PTPN12: variants seen among roughly 807,000 people sequenced by gnomAD.
PTPN12 encodes the protein protein tyrosine phosphatase non-receptor type 12, also known as tyrosine-protein phosphatase non-receptor type 12.
PTPN12 carries 29 observed loss-of-function variants against 97.6 expected under a neutral mutation model. The ratio of observed to expected loss-of-function variants is 0.30; its 90% CI spans 0.22 to 0.41. PTPN12 has a LOEUF of 0.41. Among genes scored for constraint, PTPN12 ranks in the 10% least tolerant of loss-of-function variants. The probability of loss-of-function intolerance (pLI) is 1.00; values close to 1 mark genes in which losing one functional copy is unlikely to be tolerated. For missense variants in PTPN12, 819 were observed against 926.0 expected (o/e 0.88, Z 1.50); for synonymous variants, 327 against 300.4 (o/e 1.09, Z -0.91).
Position 77,626,807 on chromosome 7 carries a change from A to T in PTPN12, c.1128A>T (p.Thr376=), listed in dbSNP as rs1789203196. Residue 376 remains threonine, a synonymous_variant, in exon 13 of 18, where the codon ACA becomes ACT. Coordinates refer to ENST00000248594, the MANE Select transcript of PTPN12 (RefSeq NM_002835.4). ...CTTCTCCCCCTTCAGCTTTTCCAAC[A>T]GTCACTACTGTGTGGCAGGACAATG... The part of the protein sequence containing the change: ...LTPSPPSAFP[T]VTTVWQDNDR... The T allele has an allele frequency of 1.9e-6, 3 of 1,614,134 alleles. No individual in the cohort carries two copies. In the East Asian group the frequency reaches 6.7e-5, roughly 36 times the overall value.
intron 13 of PTPN12, 82 bp downstream of exon 13, chr7:77,627,757 T>C: frequency 7.5e-7 from 1 of 1,337,670 alleles, no homozygotes; most frequent in Non-Finnish European, 9.9e-7. Context: ...ATTGATTTAT[T>C]ATGTTTTATT....
Position 77,585,926 on chromosome 7 carries a change from A to G in PTPN12, c.420+345A>G, listed in dbSNP as rs568594833. On this transcript the variant is annotated intron_variant, in intron 5 of 17. Transcript: ENST00000248594. ...AGTCTGTTAAATGTTCAGTAGCATT[A>G]TACCTATAAAACACTTCATGCCTTA... Among the ~76,000 whole-genome samples the G allele has an allele frequency of 5.3e-5, 8 of 152,254 alleles. No individual in the cohort carries two copies. The East Asian group carries it at 9.7e-4, about 18-fold the overall frequency.
chr7:77,564,746 G>GTTGTTTTTT (rs1808164529), intron 1 of PTPN12, among the ~76,000 whole-genome samples: 1 of 45,370 alleles, frequency 2.2e-5, no homozygotes, highest in East Asian at 8.1e-4. Flanking sequence ...TTGTTGTCGT[G>GTTGTTTTTT]TTTTTTTTTT....
At chr7:77,629,251 G>C (rs1363231521) in intron 13 of PTPN12, among the ~76,000 whole-genome samples, 2 of 152,180 alleles carry the variant, frequency 1.3e-5, no homozygotes, top group African/African-American at 4.8e-5. Context: ...GCCCAGCCAG[G>C]TGACAGTCTT....
chr7:77,625,472 G>GCTCGCTCGCT, intron 12 of PTPN12, among the ~76,000 whole-genome samples: 4 of 33,522 alleles, frequency 1.2e-4, no homozygotes, highest in Non-Finnish European at 2.0e-4. Flanking sequence ...CAGGCTGCTC[G>GCTCGCTCGCT]CTCTCTCTCT....
At chr7:77,568,973 T>C (rs1208187084) in intron 1 of PTPN12, among the ~76,000 whole-genome samples, 1 of 152,182 alleles carries the variant, frequency 6.6e-6, no homozygotes, top group Admixed American at 6.5e-5. Flanking sequence ...TAAGTAACCA[T>C]GAGGATCTTT....
chr7:77,541,576 A>G (rs1379155444), intron 1 of PTPN12, among the ~76,000 whole-genome samples: 1 of 152,214 alleles, frequency 6.6e-6, no homozygotes. Context: ...CATTTAATAC[A>G]TGTTCATAAA....
chr7:77,622,285 G>A (rs572082199), intron 12 of PTPN12, among the ~76,000 whole-genome samples: 2 of 152,168 alleles, frequency 1.3e-5, no homozygotes, highest in South Asian at 4.1e-4. Flanking sequence ...TCTTAAAAGT[G>A]AACAGAACTA....
intron 6 of PTPN12, among the ~76,000 whole-genome samples, chr7:77,595,893 C>G (rs1788007480): frequency 6.6e-6 from 1 of 152,124 alleles, no homozygotes; most frequent in Non-Finnish European, 1.5e-5. Flanking sequence ...AACACTTTGA[C>G]TAAATCACAG....
chr7:77,625,526 T>G (rs1158403296), intron 12 of PTPN12, among the ~76,000 whole-genome samples: 2 of 112,506 alleles, frequency 1.8e-5, no homozygotes, highest in Non-Finnish European at 3.6e-5. Flanking sequence ...TCTCTCTCAC[T>G]CTCACTCTCA....
intron 14 of PTPN12, among the ~76,000 whole-genome samples, chr7:77,634,790 G>T (rs1236944850): frequency 3.3e-5 from 5 of 151,496 alleles, no homozygotes; most frequent in Admixed American, 3.3e-4. Flanking sequence ...ATGTTAGCCA[G>T]GATGGTCTCC....
At position 77,638,681 on chromosome 7, in the gene PTPN12, G is replaced by T; in HGVS notation, c.2231G>T (p.Ser744Ile). 1 of 1,608,034 alleles carries T rather than the reference G, an allele frequency of 6.2e-7. No individual in the cohort carries two copies. The highest frequency in any genetic ancestry group is 1.7e-5 in the Admixed American group (1 of 58,492). ...EMCIECPPTFSDKREQISENP... is the reference protein window; with the variant it reads ...EMCIECPPTFIDKREQISENP... ...TGCATAGAATGTCCACCTACTTTCA[G>T]TGACAAGAGAGAACAAATATCAGAA... The change falls in exon 17 of 18, where the codon AGT (serine) becomes ATT (isoleucine). Residue 744 changes from serine (S) to isoleucine (I), a missense_variant. Ser to Ile is a moderately radical substitution (Grantham distance 142). Around this residue, in one of 5 missense-constraint regions of PTPN12, gnomAD observed 607 missense variants for 577.3 expected, o/e 1.05. Transcript: ENST00000248594.
chr7:77,539,423 G>C (rs1334744760), intron 1 of PTPN12, among the ~76,000 whole-genome samples: 3 of 152,134 alleles, frequency 2.0e-5, no homozygotes, highest in Non-Finnish European at 4.4e-5. Context: ...TTTTTGATCT[G>C]AAAGGGTTAA....
At chr7:77,630,757 T>G (rs1286309176) in intron 13 of PTPN12, among the ~76,000 whole-genome samples, 2 of 152,206 alleles carry the variant, frequency 1.3e-5, no homozygotes, top group Non-Finnish European at 2.9e-5. Context: ...AGTCTTGACT[T>G]AGGCCTCCTG....
At chr7:77,630,067 T>C (rs2151400885) in intron 13 of PTPN12, among the ~76,000 whole-genome samples, 1 of 152,368 alleles carries the variant, frequency 6.6e-6, no homozygotes, top group South Asian at 2.1e-4. Context: ...GGTTTCTTTT[T>C]ACTCAACCTT....
intron 1 of PTPN12, among the ~76,000 whole-genome samples, chr7:77,570,257 C>G (rs934194415): frequency 1.3e-5 from 2 of 152,076 alleles, no homozygotes; most frequent in African/African-American, 4.8e-5. Flanking sequence ...TCACAAGTAG[C>G]AAAAATTAAT....
intron 1 of PTPN12, among the ~76,000 whole-genome samples, chr7:77,560,043 C>T (rs1351343271): frequency 6.6e-6 from 1 of 152,166 alleles, no homozygotes; most frequent in Non-Finnish European, 1.5e-5. Flanking sequence ...GCACCTAAAA[C>T]AGTCCCTGGG....
intron 1 of PTPN12, among the ~76,000 whole-genome samples, chr7:77,540,234 TC>T (rs1240561538): frequency 6.3e-5 from 9 of 142,214 alleles, no homozygotes; most frequent in East Asian, 3.9e-4. Flanking sequence ...TTTCTTTCTT[TC>T]TTTCTTTCTT....
At chr7:77,606,200 G>A (rs7792832) in intron 8 of PTPN12, among the ~76,000 whole-genome samples, 13 of 151,698 alleles carry the variant, frequency 8.6e-5, no homozygotes, top group Non-Finnish European at 1.5e-4. Context: ...GTGATCCACC[G>A]GCCTCAGGCT....
Sources: gnomAD v4.1 joint callset for allele counts (sites outside exome capture counted in the v4.1 genomes callset) on GRCh38, gnomAD v4.1.1 for gene constraint, gnomAD v4.1.1 regional missense constraint, MANE v1.5 for transcripts, NCBI Gene and HGNC (gene_info 2026-07-23, HGNC 2026-07-21) for gene names.